CNBD1: variants seen among roughly 807,000 people sequenced by gnomAD.
The protein encoded by CNBD1 is cyclic nucleotide binding domain containing 1, also known as cyclic nucleotide-binding domain-containing protein 1.
CNBD1 carries 71 observed loss-of-function variants against 54.4 expected under a neutral mutation model. The ratio of observed to expected loss-of-function variants is 1.30; its 90% CI spans 1.08 to 1.59. The LOEUF is 1.59. Among genes scored for constraint, CNBD1 ranks in the 40% most tolerant of loss-of-function variants. The pLI is 0.00. For missense variants in CNBD1, 659 were observed against 518.0 expected, an observed-to-expected ratio of 1.27 and a Z score of -2.64; for synonymous variants, 182 against 170.7, an observed-to-expected ratio of 1.07 and a Z score of -0.51.
intron 4 of CNBD1, among the ~76,000 whole-genome samples, chr8:87,180,009 T>G (rs1397136220): frequency 2.6e-5 from 4 of 152,310 alleles, no homozygotes; most frequent in Non-Finnish European, 5.9e-5. Context: ...AGGATTTATT[T>G]TTTGTATGAA....
At chr8:87,064,151 T>G (rs1050519249) in intron 4 of CNBD1, among the ~76,000 whole-genome samples, 3 of 152,026 alleles carry the variant, frequency 2.0e-5, no homozygotes, top group African/African-American at 7.2e-5. Context: ...GCAATCAGCA[T>G]AGAGTTGTGG....
chr8:87,384,373 G>T (rs886443344), downstream of CNBD1, among the ~76,000 whole-genome samples: 1 of 152,036 alleles, frequency 6.6e-6, no homozygotes, highest in Non-Finnish European at 1.5e-5. Context: ...ATTGGGAGAA[G>T]ATCATACTTA....
At chr8:87,377,879 CG>C (rs1810984589) in intron 10 of CNBD1, among the ~76,000 whole-genome samples, 1 of 151,350 alleles carries the variant, frequency 6.6e-6, no homozygotes, top group Non-Finnish European at 1.5e-5. Flanking sequence ...ACTGTGGTTT[CG>C]ATTTGCATTT....
At chr8:87,422,574 A>C (rs951225501) in intron 2 of CNBD1, among the ~76,000 whole-genome samples, 9 of 152,096 alleles carry the variant, frequency 5.9e-5, no homozygotes, top group African/African-American at 1.7e-4. Flanking sequence ...GTCAAAGATC[A>C]GATAGTTGCA....
intron 4 of CNBD1, among the ~76,000 whole-genome samples, chr8:86,948,577 C>A (rs1396112188): frequency 6.6e-6 from 1 of 152,132 alleles, no homozygotes; most frequent in Non-Finnish European, 1.5e-5. Context: ...AACACCTATT[C>A]ATATCTTTTG....
In CNBD1 at chr8:86,940,132, CT is replaced by C. The variant is rs10671983; in HGVS notation, c.431+397del. ...CTTTAAATAAACTTACCACATGTTA[CT>C]TTTTTTTTTTTTTTTTTTGAGACTG... On this transcript the variant is annotated intron_variant, in intron 4 of 10. Coordinates refer to ENST00000518476, the MANE Select transcript of CNBD1 (RefSeq NM_173538.3). 1.3e-3 allele frequency among the ~76,000 whole-genome samples: 114 copies of C among 88,724 alleles called. 1 individual carries two copies. The highest frequency in any genetic ancestry group is 2.0e-3 in the Non-Finnish European group (97 of 49,668). The allele number at this position is 88,724 out of a possible 152,430, so 58.2% of individuals were successfully genotyped here.
intron 4 of CNBD1, among the ~76,000 whole-genome samples, chr8:87,196,596 G>A (rs554549038): frequency 6.6e-6 from 1 of 152,194 alleles, no homozygotes; most frequent in Non-Finnish European, 1.5e-5. Context: ...AAGGTCATGA[G>A]TACCTACAAC....
intron 4 of CNBD1, among the ~76,000 whole-genome samples, chr8:87,110,912 C>T (rs1332027837): frequency 1.3e-5 from 2 of 152,190 alleles, no homozygotes; most frequent in Non-Finnish European, 2.9e-5. Flanking sequence ...TATGGGAATG[C>T]ATTCTAGTAA....
At chr8:87,081,472 C>T (rs1810989103) in intron 4 of CNBD1, among the ~76,000 whole-genome samples, 1 of 150,144 alleles carries the variant, frequency 6.7e-6, no homozygotes, top group Non-Finnish European at 1.5e-5. Context: ...GTGCATTCTG[C>T]TGTTATTGGG....
intron 4 of CNBD1, among the ~76,000 whole-genome samples, chr8:87,025,248 T>A (rs1809612678): frequency 6.6e-6 from 1 of 152,158 alleles, no homozygotes; most frequent in Non-Finnish European, 1.5e-5. Flanking sequence ...ATCCCCAGGA[T>A]GTGGGTGGGG....
At chr8:87,226,364 T>G (rs377094684) in intron 5 of CNBD1, among the ~76,000 whole-genome samples, 9,202 of 147,946 alleles carry the variant, frequency 0.062, 922 homozygotes, top group African/African-American at 0.22. Context: ...TCCTGCTTTC[T>G]CTTGTGAGCA....
At chr8:87,398,819 T>C (rs987138819) in intron 2 of CNBD1, among the ~76,000 whole-genome samples, 2 of 152,032 alleles carry the variant, frequency 1.3e-5, no homozygotes, top group Non-Finnish European at 2.9e-5. Flanking sequence ...CTAGGACTTA[T>C]TGGGCTTTAA....
chr8:87,106,099 T>C (rs949080303), intron 4 of CNBD1, among the ~76,000 whole-genome samples: 10 of 152,214 alleles, frequency 6.6e-5, no homozygotes, highest in Non-Finnish European at 5.9e-5. Flanking sequence ...ACTTTTAGTA[T>C]TGGAGATGAA....
intron 4 of CNBD1, among the ~76,000 whole-genome samples, chr8:87,125,668 G>T (rs1427048812): frequency 6.6e-6 from 1 of 151,598 alleles, no homozygotes; most frequent in Non-Finnish European, 1.5e-5. Flanking sequence ...TTTTAAAATA[G>T]CTTGTTGAGG....
chr8:87,297,256 A>T (rs1045403140), intron 8 of CNBD1, among the ~76,000 whole-genome samples: 1 of 152,054 alleles, frequency 6.6e-6, no homozygotes, highest in African/African-American at 2.4e-5. Flanking sequence ...CAACATAAAA[A>T]TTACTAATTA....
At chr8:86,945,048 G>A (rs1332670289) in intron 4 of CNBD1, among the ~76,000 whole-genome samples, 1 of 151,638 alleles carries the variant, frequency 6.6e-6, no homozygotes, top group Non-Finnish European at 1.5e-5. Context: ...CTCACATGTT[G>A]GTATTTGATT....
intron 2 of CNBD1, among the ~76,000 whole-genome samples, chr8:87,410,290 A>T (rs1044983621): frequency 1.3e-5 from 2 of 152,158 alleles, no homozygotes; most frequent in African/African-American, 4.8e-5. Flanking sequence ...CATATTATTT[A>T]AAAAATACAT....
intron 6 of CNBD1, among the ~76,000 whole-genome samples, chr8:87,263,007 A>C (rs184408610): frequency 6.6e-6 from 1 of 152,250 alleles, no homozygotes; most frequent in Non-Finnish European, 1.5e-5. Context: ...GGGCGCAAGA[A>C]GTTGGAGCAG....
chr8:87,376,165 A>G (rs532318569), intron 10 of CNBD1, among the ~76,000 whole-genome samples: 350 of 152,054 alleles, frequency 2.3e-3, no homozygotes, highest in Non-Finnish European at 4.2e-3. Flanking sequence ...TACTGCTTCA[A>G]TGCATTACCA....
Sources: gnomAD v4.1 joint callset for allele counts (sites outside exome capture counted in the v4.1 genomes callset) on GRCh38, gnomAD v4.1.1 for gene constraint, MANE v1.5 for transcripts, NCBI Gene and HGNC (gene_info 2026-07-23, HGNC 2026-07-21) for gene names.